The following NDUFAF6 variants were observed in gnomAD, a reference collection of about 807,000 sequenced individuals.
The protein encoded by NDUFAF6 is NADH dehydrogenase (ubiquinone) complex I, assembly factor 6.
In NDUFAF6, 45 loss-of-function variants were observed where a neutral mutation model predicts 40.8. The ratio of observed to expected loss-of-function variants is 1.10; its 90% CI spans 0.87 to 1.42. The LOEUF (loss-of-function observed/expected upper bound fraction) is 1.42, where lower values mean the gene tolerates loss of function less well. NDUFAF6 is among the 40% of genes most tolerant of loss of function. The pLI, the probability that NDUFAF6 is intolerant of heterozygous loss-of-function variation, is 0.00. For synonymous variants in NDUFAF6, 185 were observed against 155.9 expected, an observed-to-expected ratio of 1.19 and a Z score of -1.39; for missense variants, 435 against 418.5, an observed-to-expected ratio of 1.04 and a Z score of -0.34.
In NDUFAF6 at chr8:94,940,207, A is replaced by G. The variant is rs1477801634; in HGVS notation, c.-935-5276A>G. On this transcript the variant is annotated intron_variant, in intron 1 of 14. Transcript: ENST00000396113. ...CTTCTTCTTCTTCTTCTGCTGAGAA[A>G]CCAGTGCAAGTATCTAGATCGTAGT... is the stretch of plus-strand genomic sequence containing the variant. 3.1e-6 allele frequency: 5 copies of G among 1,610,402 alleles called. No homozygotes were observed. The East Asian group carries it at 1.1e-4, about 36-fold the overall frequency.
chr8:95,117,773 C>T (rs10504940), downstream of NDUFAF6, among the ~76,000 whole-genome samples: 4,900 of 152,222 alleles, frequency 0.032, 224 homozygotes, highest in African/African-American at 0.11. Context: ...TCTCTCTTCT[C>T]CTTCAGAGTG....
At chr8:94,996,301 A>G (rs1172615287) in intron 2 of NDUFAF6, among the ~76,000 whole-genome samples, 1 of 152,176 alleles carries the variant, frequency 6.6e-6, no homozygotes, top group Non-Finnish European at 1.5e-5. Flanking sequence ...TGTGCCCAGG[A>G]ACCAGGTCAA....
At chr8:95,022,588 CAA>C (rs77755094), upstream of NDUFAF6, among the ~76,000 whole-genome samples, 19 of 111,294 alleles carry the variant, frequency 1.7e-4, no homozygotes, top group African/African-American at 2.3e-4. Context: ...TTTACCCCTC[CAA>C]AAAAAAAAAA....
rs181230344 is a variant in NDUFAF6, at chr8:94,952,911, C to A, written c.-798-5084C>A. Among the ~76,000 whole-genome samples the A allele has an allele frequency of 2.2e-4, 34 of 152,316 alleles. 1 individual carries two copies. The highest frequency in any genetic ancestry group is 2.2e-3 in the Admixed American group (34 of 15,296). On this transcript the variant is annotated intron_variant, in intron 2 of 14. Transcript: ENST00000396113. ...TCAGTAACCAGTGCTAGGGGGGAGT[C>A]CCCAAGAGGTGGGATAGCCTGCGCT... is the stretch of plus-strand genomic sequence containing the variant.
chr8:94,901,454 C>T (rs1463613983), intron 1 of NDUFAF6, among the ~76,000 whole-genome samples: 4 of 151,682 alleles, frequency 2.6e-5, no homozygotes, highest in African/African-American at 7.3e-5. Context: ...TAGACTGAGG[C>T]GACTGAGACA....
intron 2 of NDUFAF6, among the ~76,000 whole-genome samples, chr8:95,007,915 G>C (rs920538550): frequency 2.0e-5 from 3 of 151,936 alleles, no homozygotes; most frequent in Non-Finnish European, 4.4e-5. Context: ...GTAGAGACGG[G>C]GTCTCACTAT....
chr8:95,088,185 C>T (rs1809112820), intron 2 of NDUFAF6, among the ~76,000 whole-genome samples: 2 of 152,194 alleles, frequency 1.3e-5, no homozygotes, highest in Admixed American at 6.5e-5. Flanking sequence ...ACCAGGTGGC[C>T]ACCTGGGCTC....
At chr8:95,024,750 T>C (rs557003248), upstream of NDUFAF6, among the ~76,000 whole-genome samples, 801 of 152,286 alleles carry the variant, frequency 5.3e-3, 6 homozygotes, top group African/African-American at 0.018. Flanking sequence ...TGAGGTCGCC[T>C]GTGGATGCAC....
chr8:95,086,624 A>G (rs1310681351), intron 2 of NDUFAF6, among the ~76,000 whole-genome samples: 2 of 135,034 alleles, frequency 1.5e-5, no homozygotes, highest in Admixed American at 7.8e-5. Flanking sequence ...TTTTTTCGAG[A>G]CGGAGTTTCC....
At chr8:94,976,094 G>A (rs1030326574) in intron 1 of NDUFAF6, 5 of 151,464 alleles carry the variant, frequency 3.3e-5, no homozygotes, top group Admixed American at 2.6e-4. Context: ...GCTACTCAGA[G>A]AGGCTGAGGC....
At chr8:95,104,282 C>T (rs941626934), downstream of NDUFAF6, among the ~76,000 whole-genome samples, 1 of 152,174 alleles carries the variant, frequency 6.6e-6, no homozygotes, top group Non-Finnish European at 1.5e-5. Context: ...AACTTGGGAT[C>T]CTCATTCTTC....
At chr8:94,900,134 AC>A (rs1817922780) in intron 1 of NDUFAF6, among the ~76,000 whole-genome samples, 1 of 151,190 alleles carries the variant, frequency 6.6e-6, no homozygotes, top group Non-Finnish European at 1.5e-5. Context: ...GCTTGCCTCT[AC>A]CCCTGCTTGT....
intron 2 of NDUFAF6, among the ~76,000 whole-genome samples, chr8:94,989,969 A>G (rs369518889): frequency 1.2e-4 from 19 of 152,158 alleles, no homozygotes; most frequent in Admixed American, 6.5e-5. Context: ...GGCTCATGCA[A>G]TCCGCCTGCC....
At chr8:95,022,941 T>C (rs1344502052), upstream of NDUFAF6, among the ~76,000 whole-genome samples, 1 of 152,070 alleles carries the variant, frequency 6.6e-6, no homozygotes, top group Non-Finnish European at 1.5e-5. Context: ...GCACCCAAGA[T>C]GAAATATGGA....
intron 1 of NDUFAF6, among the ~76,000 whole-genome samples, chr8:94,937,717 C>T (rs750225183): frequency 6.6e-6 from 1 of 152,102 alleles, no homozygotes; most frequent in Non-Finnish European, 1.5e-5. Flanking sequence ...GGGATGGTTC[C>T]TGAGCAAGAA....
chr8:95,046,971 C>T (rs1563828014), intron 5 of NDUFAF6, 23 bp from the exon 6 acceptor site: 2 of 1,613,802 alleles, frequency 1.2e-6, no homozygotes, highest in Non-Finnish European at 8.5e-7. Flanking sequence ...TAGAGCAGCC[C>T]TGTGTAATTT....
chr8:94,985,926 T>G (rs1437766570), intron 2 of NDUFAF6, among the ~76,000 whole-genome samples: 1 of 150,806 alleles, frequency 6.6e-6, no homozygotes, highest in African/African-American at 2.4e-5. Context: ...CAGGCTGGAG[T>G]GCAGTGGCGT....
intron 2 of NDUFAF6, among the ~76,000 whole-genome samples, chr8:94,990,148 G>A (rs1442125675): frequency 6.6e-6 from 1 of 152,220 alleles, no homozygotes; most frequent in Admixed American, 6.5e-5. Context: ...TTAAGGCTTG[G>A]TCTAGTCATG....
chr8:95,114,833 T>C (rs1226952845), intron 4 of NDUFAF6, among the ~76,000 whole-genome samples: 1 of 152,192 alleles, frequency 6.6e-6, no homozygotes, highest in East Asian at 1.9e-4. Flanking sequence ...GTGCTTCAAA[T>C]TAGATCTGAA....
Sources: allele counts gnomAD v4.1 joint callset (sites outside exome capture counted in the v4.1 genomes callset), GRCh38; gene constraint gnomAD v4.1.1; transcripts MANE v1.5; gene names NCBI Gene and HGNC (gene_info 2026-07-23, HGNC 2026-07-21).